Variants in LAPTM4B observed in about 807,000 individuals in gnomAD.
LAPTM4B encodes the protein lysosomal-associated transmembrane protein 4B.
Under a neutral mutation model 28.5 loss-of-function variants are expected in LAPTM4B, and 26 were observed. The observed-to-expected ratio is 0.91, with a 90% confidence interval of 0.67 to 1.27. The LOEUF is 1.27. LAPTM4B is among the 50% of genes most tolerant of loss of function. The probability of loss-of-function intolerance (pLI) is 0.00; values close to 1 mark genes in which losing one functional copy is unlikely to be tolerated. For synonymous variants in LAPTM4B, 109 were observed against 106.4 expected (o/e 1.02, Z -0.15); for missense variants, 288 against 285.8 (o/e 1.01, Z -0.06).
chr8:97,790,532 G>A (rs1052333989), intron 1 of LAPTM4B, among the ~76,000 whole-genome samples: 3 of 151,772 alleles, frequency 2.0e-5, no homozygotes, highest in Non-Finnish European at 2.9e-5. Context: ...GGCTGGTCTC[G>A]AACTCCCGAC....
chr8:97,823,614 AT>A (rs1817043930), intron 5 of LAPTM4B, among the ~76,000 whole-genome samples: 1 of 151,034 alleles, frequency 6.6e-6, no homozygotes, highest in Admixed American at 6.6e-5. Context: ...GGTTCAAGTG[AT>A]CCACCCACCT....
chr8:97,842,782 G>C (rs1192062470), intron 6 of LAPTM4B, among the ~76,000 whole-genome samples: 2 of 152,186 alleles, frequency 1.3e-5, no homozygotes, highest in Non-Finnish European at 2.9e-5. Context: ...CTCCCAAAGT[G>C]CTGGGACTAC....
chr8:97,847,693 C>T (rs1378367237), intron 6 of LAPTM4B, among the ~76,000 whole-genome samples: 1 of 152,162 alleles, frequency 6.6e-6, no homozygotes, highest in Non-Finnish European at 1.5e-5. Flanking sequence ...CTTCCTTCAC[C>T]AACCCTTCTA....
chr8:97,842,522 T>G (rs1436771113), intron 6 of LAPTM4B, among the ~76,000 whole-genome samples: 4 of 152,030 alleles, frequency 2.6e-5, no homozygotes, highest in Admixed American at 6.6e-5. Flanking sequence ...TGTTGTTGTT[T>G]TTGTTTTTGT....
At position 97,785,210 on chromosome 8, in the gene LAPTM4B, C is replaced by T. The variant is rs760357011; in HGVS notation, c.99+9102C>T. On this transcript the variant is annotated intron_variant, in intron 1 of 6. Transcript: ENST00000521545. ...AAGCCCTTCTCTTGCCTCAGCCTCC[C>T]GAGTACATGGGATTACAGGCGCAGG... Among the ~76,000 whole-genome samples, 18 of 151,920 alleles carry T rather than the reference C, an allele frequency of 1.2e-4. No individual in the cohort carries two copies. The South Asian group carries it at 1.7e-3, about 14-fold the overall frequency.
intron 2 of LAPTM4B, 84 bp from the exon 3 acceptor site, chr8:97,815,244 T>C (rs1419294328): frequency 6.0e-5 from 57 of 952,714 alleles, no homozygotes; most frequent in Non-Finnish European, 9.2e-5. Flanking sequence ...ATTTACAAAA[T>C]GCCTTTGAGA....
At chr8:97,818,905 C>G (rs1396086769) in intron 4 of LAPTM4B, among the ~76,000 whole-genome samples, 1 of 151,212 alleles carries the variant, frequency 6.6e-6, no homozygotes, top group Non-Finnish European at 1.5e-5. Flanking sequence ...TCAGAACTTG[C>G]AGAGAATACA....
At chr8:97,840,999 G>A (rs7003400) in intron 6 of LAPTM4B, among the ~76,000 whole-genome samples, 18,970 of 151,028 alleles carry the variant, frequency 0.13, 1,356 homozygotes, top group East Asian at 0.19. Flanking sequence ...TGGGGAGCTG[G>A]GTAGAGGCGC....
At chr8:97,830,496 A>G (rs1165847340) in intron 6 of LAPTM4B, among the ~76,000 whole-genome samples, 1 of 152,212 alleles carries the variant, frequency 6.6e-6, no homozygotes, top group Non-Finnish European at 1.5e-5. Flanking sequence ...GGACCTAGGT[A>G]GACATTAAGT....
intron 1 of LAPTM4B, among the ~76,000 whole-genome samples, chr8:97,801,264 C>T (rs1411443546): frequency 1.3e-5 from 2 of 151,494 alleles, no homozygotes; most frequent in African/African-American, 2.4e-5. Flanking sequence ...CTGCCATCTC[C>T]GCCCCCCACT....
At chr8:97,785,514 A>G (rs1274926635) in intron 1 of LAPTM4B, among the ~76,000 whole-genome samples, 1 of 152,222 alleles carries the variant, frequency 6.6e-6, no homozygotes, top group Non-Finnish European at 1.5e-5. Context: ...AAGCTGAGGC[A>G]AAATTAATGT....
chr8:97,822,961 C>T (rs544486461), intron 5 of LAPTM4B, among the ~76,000 whole-genome samples: 1 of 152,092 alleles, frequency 6.6e-6, no homozygotes, highest in East Asian at 1.9e-4. Flanking sequence ...CCTGCCTCAG[C>T]CTCCCGAGTA....
chr8:97,810,176 C>T (rs1214975749), intron 2 of LAPTM4B, among the ~76,000 whole-genome samples: 3 of 152,142 alleles, frequency 2.0e-5, no homozygotes, highest in East Asian at 3.8e-4. Flanking sequence ...TCATTCTCGA[C>T]GTCCCAAAGT....
At chr8:97,803,154 G>A (rs1392240947) in intron 1 of LAPTM4B, among the ~76,000 whole-genome samples, 4 of 151,494 alleles carry the variant, frequency 2.6e-5, no homozygotes, top group South Asian at 2.1e-4. Context: ...AGCCGAGATC[G>A]TGCCACTACA....
Position 97,775,847 on chromosome 8 carries a change from G to A in LAPTM4B, c.-163G>A. On this transcript the variant is annotated 5_prime_UTR_variant, in exon 1 of 7. Transcript: ENST00000521545. Reference sequence around the variant, plus strand: ...AGGGTACCGACCCGGCAGAAGCTCGGAGCTCTCGGGGTATCGAGGAGGCAG... The same window carrying A: ...AGGGTACCGACCCGGCAGAAGCTCGAAGCTCTCGGGGTATCGAGGAGGCAG... 1.3e-6 allele frequency: 2 copies of A among 1,538,310 alleles called. No individual in the cohort carries two copies. The highest frequency in any genetic ancestry group is 1.2e-5 in the South Asian group (1 of 84,438).
In LAPTM4B at chr8:97,843,780, C is replaced by CAAGTAAATAAATAAAT. The variant is rs1387533382; in HGVS notation, c.604-7615_604-7614insGTAAATAAATAAATAA. On this transcript the variant is annotated intron_variant, in intron 6 of 6. Coordinates refer to ENST00000521545, the MANE Select transcript of LAPTM4B (RefSeq NM_018407.6). ...GGGCAACAAGAGCGAAACTCCATCT[C>CAAGTAAATAAATAAAT]AAATAAATAAATAAATAAATAAATA... is the stretch of plus-strand genomic sequence containing the variant. 2.0e-5 allele frequency among the ~76,000 whole-genome samples: 3 copies of CAAGTAAATAAATAAAT among 149,006 alleles called. No homozygotes were observed. The East Asian group carries it at 6.0e-4, about 30-fold the overall frequency.
intron 1 of LAPTM4B, among the ~76,000 whole-genome samples, chr8:97,779,970 G>A (rs567691760): frequency 6.8e-6 from 1 of 147,648 alleles, no homozygotes; most frequent in East Asian, 2.0e-4. Flanking sequence ...AGAATCCCTT[G>A]AACCCAGGTG....
chr8:97,842,300 T>C (rs1371092852), intron 6 of LAPTM4B, among the ~76,000 whole-genome samples: 1 of 151,966 alleles, frequency 6.6e-6, no homozygotes, highest in East Asian at 1.9e-4. Context: ...GGCCATACAA[T>C]AAAATGGTGA....
intron 6 of LAPTM4B, among the ~76,000 whole-genome samples, chr8:97,838,454 T>A (rs1417943635): frequency 6.6e-6 from 1 of 152,224 alleles, no homozygotes; most frequent in Non-Finnish European, 1.5e-5. Flanking sequence ...GTGCTTTACA[T>A]AGATTAACTC....
Sources: allele counts gnomAD v4.1 joint callset (sites outside exome capture counted in the v4.1 genomes callset), GRCh38; gene constraint gnomAD v4.1.1; transcripts MANE v1.5; gene names NCBI Gene and HGNC (gene_info 2026-07-23, HGNC 2026-07-21).